CDK5RAP2: variants seen among roughly 807,000 people sequenced by gnomAD.
CDK5RAP2 encodes CDK5 regulatory subunit-associated protein 2.
In CDK5RAP2, 147 loss-of-function variants were observed where a neutral mutation model predicts 232.9. That is an observed-to-expected ratio of 0.63 (90% CI 0.55 to 0.72). The LOEUF is 0.72. Among genes scored for constraint, CDK5RAP2 ranks in the 30% least tolerant of loss-of-function variants. The pLI is 0.00. For missense variants in CDK5RAP2, 2,195 were observed against 2,231.5 expected (o/e 0.98, Z 0.33); for synonymous variants, 833 against 833.7 (o/e 1.00, Z 0.01).
chr9:120,570,319 T>A (rs1216501490), intron 2 of CDK5RAP2, among the ~76,000 whole-genome samples: 1 of 152,158 alleles, frequency 6.6e-6, no homozygotes, highest in Non-Finnish European at 1.5e-5. Context: ...TCCGCTCCAA[T>A]ATCAATTTCT....
chr9:120,470,332 G>C (rs1310761695), intron 16 of CDK5RAP2, 112 bp from the exon 17 acceptor site: 1 of 622,972 alleles, frequency 1.6e-6, no homozygotes, highest in African/African-American at 1.9e-5. Context: ...ATGTGAATGG[G>C]GGAGGTGGGG....
chr9:120,525,194 G>A lies in CDK5RAP2; in HGVS notation c.1000-116C>T, dbSNP rs887102453. 2.5e-5 allele frequency: 20 copies of A among 804,396 alleles called. 1 individual carries two copies. Among genetic ancestry groups the A allele is most frequent in the African/African-American group, 6.8e-5 (4 of 58,616 alleles). 49.8% of individuals were successfully genotyped at this position (804,396 alleles called of 1,614,324 possible). A position where few individuals can be genotyped will look rare whatever the true frequency, so the allele number is the denominator to read the frequency against. ...CTTATAATCAAGGGCTTTGTAGTCAGAAGAGATTCGAGTGGGATTTCCAGT... is the reference window on the plus strand; with the variant it reads ...CTTATAATCAAGGGCTTTGTAGTCAAAAGAGATTCGAGTGGGATTTCCAGT... On this transcript the variant is annotated intron_variant, in intron 10 of 37. Transcript: ENST00000349780.
chr9:120,457,576 G>C (rs2036851134), intron 20 of CDK5RAP2, among the ~76,000 whole-genome samples: 2 of 152,292 alleles, frequency 1.3e-5, no homozygotes, highest in East Asian at 1.9e-4. Flanking sequence ...GCTTTGCTGA[G>C]CTCACAAAAA....
intron 25 of CDK5RAP2, among the ~76,000 whole-genome samples, chr9:120,423,419 T>C (rs1430425786): frequency 6.6e-6 from 1 of 152,140 alleles, no homozygotes; most frequent in Non-Finnish European, 1.5e-5. Flanking sequence ...AGAAGCAGGA[T>C]TAAAACTAGG....
At chr9:120,578,031 A>G (rs1412827572) in intron 1 of CDK5RAP2, among the ~76,000 whole-genome samples, 1 of 152,172 alleles carries the variant, frequency 6.6e-6, no homozygotes, top group Non-Finnish European at 1.5e-5. Flanking sequence ...GAACTTTGGG[A>G]GGCCAAGGAG....
At chr9:120,477,012 A>G (rs1310714788) in intron 15 of CDK5RAP2, among the ~76,000 whole-genome samples, 1 of 152,246 alleles carries the variant, frequency 6.6e-6, no homozygotes, top group African/African-American at 2.4e-5. Flanking sequence ...TAGCATTATT[A>G]TTACTTCACA....
At chr9:120,483,460 G>C (rs908081577) in intron 14 of CDK5RAP2, among the ~76,000 whole-genome samples, 1 of 152,206 alleles carries the variant, frequency 6.6e-6, no homozygotes, top group Non-Finnish European at 1.5e-5. Context: ...TGCTGCCCCA[G>C]CTTCACCCTC....
chr9:120,451,809 T>C (rs893670061), intron 21 of CDK5RAP2, among the ~76,000 whole-genome samples: 11 of 150,322 alleles, frequency 7.3e-5, no homozygotes, highest in African/African-American at 1.7e-4. Context: ...ATGTAGGTAA[T>C]ACCTACCAAA....
At chr9:120,522,443 T>A (rs1042370007) in intron 11 of CDK5RAP2, among the ~76,000 whole-genome samples, 1 of 152,158 alleles carries the variant, frequency 6.6e-6, no homozygotes, top group Non-Finnish European at 1.5e-5. Context: ...ATGATCCTAT[T>A]TAATTTTTTA....
intron 13 of CDK5RAP2, among the ~76,000 whole-genome samples, chr9:120,489,809 CTTT>C (rs796201909): frequency 7.2e-6 from 1 of 138,270 alleles, no homozygotes. Flanking sequence ...TTTGTCTTTC[CTTT>C]TTTTTTTTTT....
chr9:120,564,835 T>C (rs1299451024), intron 3 of CDK5RAP2, among the ~76,000 whole-genome samples: 1 of 152,142 alleles, frequency 6.6e-6, no homozygotes, highest in Non-Finnish European at 1.5e-5. Context: ...AAACATGTTT[T>C]TTAAAGGGAG....
At chr9:120,491,103 A>C (rs1056364524) in intron 13 of CDK5RAP2, among the ~76,000 whole-genome samples, 2 of 152,300 alleles carry the variant, frequency 1.3e-5, no homozygotes, top group Admixed American at 6.5e-5. Flanking sequence ...ATGACCCAGG[A>C]TATGTTTCTT....
At chr9:120,480,524 C>G (rs1221844402) in intron 14 of CDK5RAP2, among the ~76,000 whole-genome samples, 1 of 152,176 alleles carries the variant, frequency 6.6e-6, no homozygotes, top group Admixed American at 6.5e-5. Context: ...TTATACTCAC[C>G]ACCATATCTT....
In CDK5RAP2 at chr9:120,568,356, G is replaced by C; in HGVS notation, c.160C>G (p.Pro54Ala). ...TCCTTCATGTTCCGTGCTCTGGTGGGAGACACTGTTTCTTCTGACACATTT... is the reference window on the plus strand; with the variant it reads ...TCCTTCATGTTCCGTGCTCTGGTGGCAGACACTGTTTCTTCTGACACATTT... The part of the protein sequence containing the change: ...LPNVSEETVS[P>A]TRARNMKDFE... The change falls in exon 3 of 38, where the codon CCC becomes GCC. Residue 54 changes from proline (P) to alanine (A), a missense_variant. By Grantham distance (27) the Pro-to-Ala change is conservative. Transcript: ENST00000349780. 6.2e-7 allele frequency: 1 copy of C among 1,613,916 alleles called. No individual in the cohort carries two copies. The highest frequency in any genetic ancestry group is 8.5e-7 in the Non-Finnish European group (1 of 1,179,784).
chr9:120,542,577 A>C (rs1043767707), intron 5 of CDK5RAP2, among the ~76,000 whole-genome samples: 3 of 152,190 alleles, frequency 2.0e-5, no homozygotes, highest in Non-Finnish European at 4.4e-5. Context: ...GATACTGTGT[A>C]TATACAAATA....
At chr9:120,408,992 G>C (rs1223727618) in intron 30 of CDK5RAP2, 135 bp downstream of exon 30, 7 of 800,488 alleles carry the variant, frequency 8.7e-6, no homozygotes, top group African/African-American at 5.0e-5. Context: ...AGGCGCACCA[G>C]ACGTACAATG....
At chr9:120,525,985 A>C (rs2040882340) in intron 10 of CDK5RAP2, among the ~76,000 whole-genome samples, 1 of 152,130 alleles carries the variant, frequency 6.6e-6, no homozygotes, top group East Asian at 1.9e-4. Context: ...ACTCCTTAGC[A>C]ACACCCCCAG....
At chr9:120,390,820 G>A (rs1261490419) in intron 36 of CDK5RAP2, among the ~76,000 whole-genome samples, 1 of 152,242 alleles carries the variant, frequency 6.6e-6, no homozygotes, top group Non-Finnish European at 1.5e-5. Flanking sequence ...ATAGGTGTCT[G>A]TCGTGTGGTG....
rs568636005 is a variant in CDK5RAP2, at chr9:120,407,257, A to G, written c.4727-9T>C. On this transcript the variant is annotated splice_polypyrimidine_tract_variant and intron_variant, in intron 31 of 37. Transcript: ENST00000349780. Reference sequence around the variant, plus strand: ...GCCTTCTCCCGACGCCTCTGAGGACATGTGCAAAGAGAAGCCCTGACATCT... The same window carrying G: ...GCCTTCTCCCGACGCCTCTGAGGACGTGTGCAAAGAGAAGCCCTGACATCT... 3 of 1,601,810 alleles carry G rather than the reference A, an allele frequency of 1.9e-6. No individual in the cohort carries two copies. In the East Asian group the frequency reaches 6.7e-5, roughly 36 times the overall value.
Sources: allele counts gnomAD v4.1 joint callset (sites outside exome capture counted in the v4.1 genomes callset), GRCh38; gene constraint gnomAD v4.1.1; transcripts MANE v1.5; gene names NCBI Gene and HGNC (gene_info 2026-07-23, HGNC 2026-07-21).